Variants in COMMD7 observed in about 807,000 individuals in gnomAD.
COMMD7 encodes the protein COMM domain containing 7, also known as COMM domain-containing protein 7.
COMMD7 carries 28 observed loss-of-function variants against 34.8 expected under a neutral mutation model. The ratio of observed to expected loss-of-function variants is 0.80; its 90% CI spans 0.60 to 1.10. The LOEUF (loss-of-function observed/expected upper bound fraction) is 1.10, where lower values mean the gene tolerates loss of function less well. Among genes scored for constraint, COMMD7 ranks in the 50% least tolerant of loss-of-function variants. The pLI is 0.00. For synonymous variants in COMMD7, 80 were observed against 86.4 expected (o/e 0.93, Z 0.41); for missense variants, 211 against 241.6 (o/e 0.87, Z 0.84).
rs1983983128 is a variant in COMMD7 at position 32,705,055 on chromosome 20, A to G, written c.337-151T>C. ...GGGTGCAGAACGAAGGGCTCAGTCT[A>G]TATGCACATACCTAGGGATGGAGGA... is the stretch of plus-strand genomic sequence containing the variant. On this transcript the variant is annotated intron_variant, in intron 5 of 8. Coordinates refer to ENST00000278980, the MANE Select transcript of COMMD7 (RefSeq NM_053041.3). 12 of 609,082 alleles carry G rather than the reference A, an allele frequency of 2.0e-5. No individual in the cohort carries two copies. The Admixed American group carries it at 3.0e-4, about 15-fold the overall frequency. The allele number at this position is 609,082 out of a possible 1,614,324, so 37.7% of individuals were successfully genotyped here.
Position 32,708,665 on chromosome 20 carries a change from T to TTTC in COMMD7, c.242-1906_242-1905insGAA, listed in dbSNP as rs1196246014. Among the ~76,000 whole-genome samples the TTTC allele has an allele frequency of 4.2e-3, 639 of 150,846 alleles. 5 individuals are homozygous for TTTC. Among genetic ancestry groups the TTTC allele is most frequent in the African/African-American group, 0.015 (606 of 40,952 alleles). On this transcript the variant is annotated intron_variant, in intron 3 of 8. Coordinates refer to ENST00000278980, the MANE Select transcript of COMMD7 (RefSeq NM_053041.3). ...GGCTTTATTATTGTAACTTTTTTTT[T>TTTC]TTTTTTGAGACAGTGAGACACGGTT...
At chr20:32,709,302 GCATGCGC>G (rs1984278752) in intron 3 of COMMD7, among the ~76,000 whole-genome samples, 1 of 151,896 alleles carries the variant, frequency 6.6e-6, no homozygotes, top group Non-Finnish European at 1.5e-5. Flanking sequence ...GGGTGTGGTG[GCATGCGC>G]CTGTAGTCCC....
intron 1 of COMMD7, among the ~76,000 whole-genome samples, chr20:32,738,932 C>T (rs573590231): frequency 1.2e-4 from 18 of 151,470 alleles, no homozygotes; most frequent in Middle Eastern, 7.0e-3. Flanking sequence ...AGTCTTGCTA[C>T]GTTGCTTAGG....
chr20:32,731,011 AT>A (rs1985804200), intron 1 of COMMD7, among the ~76,000 whole-genome samples: 1 of 152,178 alleles, frequency 6.6e-6, no homozygotes, highest in South Asian at 2.1e-4. Context: ...ACTCTGTATT[AT>A]TTTATTCAAA....
chr20:32,733,306 C>T (rs756951950), intron 1 of COMMD7, among the ~76,000 whole-genome samples: 21 of 152,034 alleles, frequency 1.4e-4, no homozygotes, highest in Non-Finnish European at 2.4e-4. Context: ...ACAGGCCACG[C>T]GCGGTGGCTC....
intron 3 of COMMD7, among the ~76,000 whole-genome samples, chr20:32,714,357 A>C (rs779157069): frequency 8.5e-5 from 13 of 152,168 alleles, no homozygotes; most frequent in Non-Finnish European, 1.8e-4. Context: ...AATAAAAATC[A>C]GTTACGGATC....
chr20:32,709,307 C>T (rs143258963), intron 3 of COMMD7, among the ~76,000 whole-genome samples: 11,069 of 151,590 alleles, frequency 0.073, 547 homozygotes, highest in Non-Finnish European at 0.11. Context: ...TGGTGGCATG[C>T]GCCTGTAGTC....
chr20:32,729,053 A>T (rs776546935), intron 1 of COMMD7, among the ~76,000 whole-genome samples: 15 of 152,168 alleles, frequency 9.9e-5, no homozygotes, highest in Non-Finnish European at 1.8e-4. Flanking sequence ...CATATATTGA[A>T]GCCCTAACTT....
chr20:32,710,052 AT>A (rs938500373), intron 3 of COMMD7, among the ~76,000 whole-genome samples: 5 of 149,626 alleles, frequency 3.3e-5, no homozygotes, highest in Admixed American at 2.7e-4. Flanking sequence ...CTAATTTTTA[AT>A]TTTTTTTTCT....
At chr20:32,719,040 C>T (rs914530675) in intron 3 of COMMD7, among the ~76,000 whole-genome samples, 2 of 152,192 alleles carry the variant, frequency 1.3e-5, no homozygotes, top group Non-Finnish European at 1.5e-5. Context: ...GCTTCTTGCA[C>T]AGGCAGGACC....
intron 5 of COMMD7, 52 bp from the exon 6 acceptor site, chr20:32,704,956 C>T (rs1486748150): frequency 7.9e-7 from 1 of 1,267,132 alleles, no homozygotes; most frequent in Non-Finnish European, 1.2e-6. Flanking sequence ...ATCTCCCCCT[C>T]TCCATCCTGC....
intron 3 of COMMD7, among the ~76,000 whole-genome samples, chr20:32,718,125 C>A (rs954911444): frequency 1.3e-5 from 2 of 151,962 alleles, no homozygotes; most frequent in African/African-American, 2.4e-5. Context: ...AAAAGGGGAG[C>A]CGGGTGCGGT....
At chr20:32,714,738 C>T (rs898546966) in intron 3 of COMMD7, among the ~76,000 whole-genome samples, 1 of 151,936 alleles carries the variant, frequency 6.6e-6, no homozygotes, top group Non-Finnish European at 1.5e-5. Context: ...GTAGAATAAT[C>T]GCTTGAACCT....
At chr20:32,719,186 T>C (rs1205486898) in intron 3 of COMMD7, among the ~76,000 whole-genome samples, 2 of 152,128 alleles carry the variant, frequency 1.3e-5, no homozygotes, top group Admixed American at 6.6e-5. Context: ...AGCAGGATGA[T>C]CCAAGTTGTG....
intron 8 of COMMD7, 48 bp downstream of exon 8, chr20:32,703,975 A>G: frequency 6.2e-7 from 1 of 1,613,524 alleles, no homozygotes; most frequent in Non-Finnish European, 8.5e-7. Context: ...CCCTGATTGC[A>G]GAGAACACAA....
At chr20:32,713,563 G>C (rs1984595382) in intron 3 of COMMD7, among the ~76,000 whole-genome samples, 1 of 152,230 alleles carries the variant, frequency 6.6e-6, no homozygotes, top group South Asian at 2.1e-4. Context: ...AGATGGGAGA[G>C]GATGGAGAGC....
chr20:32,717,355 T>C (rs1270655363), intron 3 of COMMD7, among the ~76,000 whole-genome samples: 1 of 148,428 alleles, frequency 6.7e-6, no homozygotes, highest in Non-Finnish European at 1.5e-5. Flanking sequence ...AGACAGAGTC[T>C]CACTCTGTCA....
chr20:32,705,404 C>G lies in COMMD7; in HGVS notation c.337-500G>C, dbSNP rs187155301. Among the ~76,000 whole-genome samples, 11 of 147,932 alleles carry G rather than the reference C, an allele frequency of 7.4e-5. No individual in the cohort carries two copies. The East Asian group carries it at 2.2e-3, about 29-fold the overall frequency. ...TTTTTTTTTCTTTGAGATGGAGTCT[C>G]GCTCTGTTGCCCAGGCTAGAGTGCA... On this transcript the variant is annotated intron_variant, in intron 5 of 8. Coordinates refer to ENST00000278980, the MANE Select transcript of COMMD7 (RefSeq NM_053041.3).
chr20:32,716,521 A>C (rs545621252), intron 3 of COMMD7, among the ~76,000 whole-genome samples: 25 of 152,292 alleles, frequency 1.6e-4, no homozygotes, highest in African/African-American at 6.0e-4. Flanking sequence ...AGGCTGAGGC[A>C]GGAGAATGGC....
Sources: gnomAD v4.1 joint callset for allele counts (sites outside exome capture counted in the v4.1 genomes callset) on GRCh38, gnomAD v4.1.1 for gene constraint, MANE v1.5 for transcripts, NCBI Gene and HGNC (gene_info 2026-07-23, HGNC 2026-07-21) for gene names.